The following KCNIP4 variants were observed in gnomAD, a reference collection of about 807,000 sequenced individuals.
The protein encoded by KCNIP4 is potassium voltage-gated channel interacting protein 4.
KCNIP4 carries 12 observed loss-of-function variants against 34.0 expected under a neutral mutation model. That is an observed-to-expected ratio of 0.35 (90% CI 0.23 to 0.57). The LOEUF (loss-of-function observed/expected upper bound fraction) is 0.57, where lower values mean the gene tolerates loss of function less well. Ranked by LOEUF, KCNIP4 falls within the 20% of genes least tolerant of loss-of-function variation. The pLI is 0.83. For missense variants in KCNIP4, 238 were observed against 311.7 expected (o/e 0.76, Z 1.78); for synonymous variants, 124 against 102.2 (o/e 1.21, Z -1.29).
chr4:20,817,356 C>A (rs1341096063), intron 3 of KCNIP4, among the ~76,000 whole-genome samples: 1 of 152,172 alleles, frequency 6.6e-6, no homozygotes, highest in Non-Finnish European at 1.5e-5. Context: ...ATGTCCTTTT[C>A]AGTTGCTGGT....
chr4:21,751,267 T>G lies in KCNIP4; in HGVS notation c.61+197304A>C, dbSNP rs553927971. ...TACCATATAAAGACTTTGTTTGGAT[T>G]GTATGCAAACAAACACACAATTAAA... On this transcript the variant is annotated intron_variant, in intron 1 of 8. Transcript: ENST00000382152. Among the ~76,000 whole-genome samples the G allele has an allele frequency of 3.7e-4, 57 of 152,274 alleles. 1 individual carries two copies. The East Asian group carries it at 0.01, about 28-fold the overall frequency.
chr4:20,849,997 T>C (rs1207264069), intron 3 of KCNIP4, among the ~76,000 whole-genome samples: 1 of 152,160 alleles, frequency 6.6e-6, no homozygotes, highest in Non-Finnish European at 1.5e-5. Context: ...GGGCTCTCAT[T>C]CCCTTTTGAA....
chr4:21,933,629 A>G (rs1729696215), intron 1 of KCNIP4, among the ~76,000 whole-genome samples: 1 of 152,002 alleles, frequency 6.6e-6, no homozygotes, highest in Admixed American at 6.6e-5. Flanking sequence ...GGTATCTGTA[A>G]CCCCAAAGCA....
At chr4:20,936,016 T>C (rs1731021016) in intron 1 of KCNIP4, among the ~76,000 whole-genome samples, 1 of 151,438 alleles carries the variant, frequency 6.6e-6, no homozygotes, top group Admixed American at 6.6e-5. Context: ...AGGTTATACA[T>C]GAAAAAACTG....
intron 1 of KCNIP4, among the ~76,000 whole-genome samples, chr4:20,946,983 G>T (rs1434669514): frequency 2.0e-5 from 3 of 152,090 alleles, no homozygotes; most frequent in Non-Finnish European, 4.4e-5. Context: ...TTAGTATACT[G>T]CATAAGTGAT....
At chr4:21,277,472 A>C (rs149308663) in intron 1 of KCNIP4, among the ~76,000 whole-genome samples, 1 of 152,236 alleles carries the variant, frequency 6.6e-6, no homozygotes, top group Non-Finnish European at 1.5e-5. Flanking sequence ...ATGGAACAAG[A>C]ATAAGTAGCC....
chr4:21,728,983 G>A (rs1296110452), intron 1 of KCNIP4, among the ~76,000 whole-genome samples: 2 of 151,956 alleles, frequency 1.3e-5, no homozygotes, highest in African/African-American at 2.4e-5. Flanking sequence ...TCATGCATTC[G>A]TGTGAGCATG....
intron 1 of KCNIP4, among the ~76,000 whole-genome samples, chr4:21,382,500 G>A (rs965667888): frequency 3.9e-5 from 6 of 151,962 alleles, no homozygotes; most frequent in African/African-American, 1.5e-4. Context: ...GAGTTAATAG[G>A]TGCACTCTCA....
At chr4:21,074,554 C>G (rs927224623) in intron 1 of KCNIP4, among the ~76,000 whole-genome samples, 10 of 151,886 alleles carry the variant, frequency 6.6e-5, no homozygotes, top group South Asian at 2.1e-4. Flanking sequence ...CTTGCTAGCG[C>G]TCTATTAACT....
At chr4:20,934,777 G>C (rs1730876643) in intron 1 of KCNIP4, among the ~76,000 whole-genome samples, 1 of 152,196 alleles carries the variant, frequency 6.6e-6, no homozygotes, top group Non-Finnish European at 1.5e-5. Context: ...GAAGGAGGCT[G>C]TATTATACTC....
intron 1 of KCNIP4, among the ~76,000 whole-genome samples, chr4:21,564,312 T>C (rs1260536452): frequency 6.6e-6 from 1 of 152,116 alleles, no homozygotes; most frequent in African/African-American, 2.4e-5. Flanking sequence ...ATGGATTTAA[T>C]GAGGAATTAA....
At chr4:21,497,304 G>C (rs12643431) in intron 1 of KCNIP4, among the ~76,000 whole-genome samples, 1 of 152,126 alleles carries the variant, frequency 6.6e-6, no homozygotes, top group African/African-American at 2.4e-5. Context: ...TCAGTCTTCA[G>C]TAAGGGTTGA....
At chr4:21,645,096 A>C (rs536563975) in intron 1 of KCNIP4, among the ~76,000 whole-genome samples, 3 of 152,288 alleles carry the variant, frequency 2.0e-5, no homozygotes, top group African/African-American at 7.2e-5. Context: ...CCAATTATTA[A>C]GTACTTGAGT....
At chr4:21,275,864 A>G (rs147668421) in intron 1 of KCNIP4, among the ~76,000 whole-genome samples, 2,122 of 152,304 alleles carry the variant, frequency 0.014, 21 homozygotes, top group South Asian at 0.026. Context: ...AGGGTGTCCA[A>G]TCTTTTGGCT....
At chr4:21,752,210 A>C (rs112719841) in intron 1 of KCNIP4, among the ~76,000 whole-genome samples, 1 of 151,976 alleles carries the variant, frequency 6.6e-6, no homozygotes, top group Admixed American at 6.6e-5. Flanking sequence ...CCATTTTCAC[A>C]CTGCTATAAA....
chr4:21,558,203 G>C (rs1739230037), intron 1 of KCNIP4, among the ~76,000 whole-genome samples: 2 of 152,056 alleles, frequency 1.3e-5, no homozygotes, highest in South Asian at 4.1e-4. Context: ...CCTTAAATGG[G>C]ATTTAGGACC....
intron 1 of KCNIP4, among the ~76,000 whole-genome samples, chr4:21,516,160 G>T (rs1047709063): frequency 1.3e-5 from 2 of 152,176 alleles, no homozygotes; most frequent in Non-Finnish European, 2.9e-5. Context: ...AGAAGCAAGG[G>T]TGTAGGTAAG....
At chr4:20,998,223 A>T (rs1395825102) in intron 1 of KCNIP4, among the ~76,000 whole-genome samples, 1 of 152,202 alleles carries the variant, frequency 6.6e-6, no homozygotes, top group Non-Finnish European at 1.5e-5. Context: ...GAACCTAGAA[A>T]GTAATGTTTC....
At chr4:21,092,190 A>G (rs1298001686) in intron 1 of KCNIP4, among the ~76,000 whole-genome samples, 2 of 152,190 alleles carry the variant, frequency 1.3e-5, no homozygotes, top group Admixed American at 6.5e-5. Context: ...CATTCCTTAA[A>G]GATGCTTCCA....
Sources: gnomAD v4.1 joint callset for allele counts (sites outside exome capture counted in the v4.1 genomes callset) on GRCh38, gnomAD v4.1.1 for gene constraint, MANE v1.5 for transcripts, NCBI Gene and HGNC (gene_info 2026-07-23, HGNC 2026-07-21) for gene names.